Variants in RARB observed in about 807,000 individuals in gnomAD.
The protein encoded by RARB is retinoic acid receptor beta, also known as HBV-activated protein.
A neutral mutation model predicts 51.9 loss-of-function variants in RARB; 17 were observed. The observed-to-expected ratio is 0.33, with a 90% CI of 0.22 to 0.49. RARB has a LOEUF of 0.49. Ranked by LOEUF, RARB falls within the 20% of genes least tolerant of loss-of-function variation. RARB has a pLI of 0.99. For missense variants in RARB, 369 were observed against 550.8 expected, an observed-to-expected ratio of 0.67 and a Z score of 3.30; for synonymous variants, 215 against 195.4, an observed-to-expected ratio of 1.10 and a Z score of -0.84.
intron 2 of RARB, among the ~76,000 whole-genome samples, chr3:24,950,351 A>C (rs1695863464): frequency 6.6e-6 from 1 of 152,166 alleles, no homozygotes; most frequent in South Asian, 2.1e-4. Context: ...ATTATGTAAA[A>C]ATGGGTTTGC....
chr3:25,507,353 T>C (rs1233024795), intron 3 of RARB, among the ~76,000 whole-genome samples: 1 of 152,258 alleles, frequency 6.6e-6, no homozygotes, highest in East Asian at 1.9e-4. Flanking sequence ...TCTAGGTGTG[T>C]ATTCAAATCG....
At chr3:25,252,212 CTA>C (rs1297318693) in intron 5 of RARB, among the ~76,000 whole-genome samples, 1 of 152,082 alleles carries the variant, frequency 6.6e-6, no homozygotes, top group Non-Finnish European at 1.5e-5. Context: ...TTTCTTTGAT[CTA>C]TATGTCTATT....
intron 5 of RARB, among the ~76,000 whole-genome samples, chr3:25,376,373 C>A (rs1706459330): frequency 1.3e-5 from 2 of 152,178 alleles, no homozygotes; most frequent in South Asian, 4.1e-4. Flanking sequence ...AAAATACTAT[C>A]TTTTGTTAAC....
At chr3:24,873,728 C>T (rs1702990302) in intron 2 of RARB, among the ~76,000 whole-genome samples, 1 of 151,476 alleles carries the variant, frequency 6.6e-6, no homozygotes, top group Admixed American at 6.6e-5. Context: ...AGTGACTTTA[C>T]TTCATCCCAC....
intron 5 of RARB, among the ~76,000 whole-genome samples, chr3:25,216,060 CAG>C (rs1701826013): frequency 6.6e-6 from 1 of 152,120 alleles, no homozygotes; most frequent in Admixed American, 6.5e-5. Flanking sequence ...TTGAAGCAGT[CAG>C]AGAGGTGCAG....
At chr3:24,851,092 G>T (rs1450490137) in intron 1 of RARB, among the ~76,000 whole-genome samples, 1 of 152,194 alleles carries the variant, frequency 6.6e-6, no homozygotes, top group Non-Finnish European at 1.5e-5. Context: ...ACAAAGGGTA[G>T]ATCAGATGAA....
chr3:25,383,963 T>C (rs1706711951), intron 5 of RARB, among the ~76,000 whole-genome samples: 1 of 152,130 alleles, frequency 6.6e-6, no homozygotes, highest in Non-Finnish European at 1.5e-5. Context: ...ATTTTAAATT[T>C]GAATAGCAAC....
intron 2 of RARB, among the ~76,000 whole-genome samples, chr3:24,926,988 T>G (rs1402071019): frequency 6.6e-6 from 1 of 152,084 alleles, no homozygotes; most frequent in African/African-American, 2.4e-5. Context: ...TTTCACTAGT[T>G]TAGAGTACAC....
intron 2 of RARB, among the ~76,000 whole-genome samples, chr3:25,022,773 T>G (rs1697665636): frequency 6.6e-6 from 1 of 152,100 alleles, no homozygotes; most frequent in Admixed American, 6.6e-5. Flanking sequence ...GAAGAGGGAA[T>G]GGCATTGTGT....
chr3:25,345,801 A>T (rs1705375280), intron 5 of RARB: 3 of 464,704 alleles, frequency 6.5e-6, no homozygotes, highest in African/African-American at 6.3e-5. Flanking sequence ...GTGATTGTGC[A>T]TGAAATGAAC....
exon 5 of RARB, chr3:25,174,281 C>T: frequency 1.1e-6 from 1 of 879,122 alleles, no homozygotes; most frequent in Non-Finnish European, 1.6e-6. Context: ...TTGACTTTGG[C>T]CCAGAACACA....
In RARB at chr3:25,541,463, A is replaced by C. The variant is rs534391698; in HGVS notation, c.449-28295A>C. Among the ~76,000 whole-genome samples the C allele has an allele frequency of 1.4e-4, 22 of 152,320 alleles. No homozygotes were observed. The South Asian group carries it at 3.9e-3, about 27-fold the overall frequency. On this transcript the variant is annotated intron_variant, in intron 3 of 7. Transcript: ENST00000330688. ...TATCTACCTCTCCAGTGCTTGCAAC[A>C]GTCCCTGGCATGTACGTTTGTTGAA...
intron 2 of RARB, among the ~76,000 whole-genome samples, chr3:24,920,041 T>C (rs1260991925): frequency 6.6e-6 from 1 of 152,216 alleles, no homozygotes; most frequent in Non-Finnish European, 1.5e-5. Context: ...ATGCTAGTCA[T>C]ACAAACCAAA....
chr3:25,189,722 A>G (rs1701052713), intron 5 of RARB, among the ~76,000 whole-genome samples: 1 of 152,070 alleles, frequency 6.6e-6, no homozygotes, highest in Admixed American at 6.6e-5. Context: ...CCCTGTCTCT[A>G]TAAAAACACA....
chr3:25,344,478 T>C (rs976733414), intron 5 of RARB, among the ~76,000 whole-genome samples: 1 of 152,210 alleles, frequency 6.6e-6, no homozygotes, highest in Non-Finnish European at 1.5e-5. Context: ...CTAATGATCA[T>C]TGTGTCAGTG....
Position 25,514,525 on chromosome 3 carries a change from C to T in RARB, c.448+13202C>T, listed in dbSNP as rs542710651. Among the ~76,000 whole-genome samples, 216 of 152,126 alleles carry T rather than the reference C, an allele frequency of 1.4e-3. 1 individual carries two copies. The highest frequency in any genetic ancestry group is 5.1e-3 in the African/African-American group (210 of 41,486). Reference sequence around the variant, plus strand: ...TCCATGATTAAAAAAAAAAAATCTGCTCCTTTCATTTTCAAAATGATTTTA... The same window carrying T: ...TCCATGATTAAAAAAAAAAAATCTGTTCCTTTCATTTTCAAAATGATTTTA... On this transcript the variant is annotated intron_variant, in intron 3 of 7. Transcript: ENST00000330688.
chr3:25,295,392 A>C (rs1246182488), intron 5 of RARB, among the ~76,000 whole-genome samples: 1 of 152,198 alleles, frequency 6.6e-6, no homozygotes, highest in Non-Finnish European at 1.5e-5. Flanking sequence ...TGCAGTGAGA[A>C]GATACCATCT....
At chr3:25,232,660 G>A (rs74684476) in intron 5 of RARB, among the ~76,000 whole-genome samples, 1 of 152,026 alleles carries the variant, frequency 6.6e-6, no homozygotes, top group Non-Finnish European at 1.5e-5. Context: ...TTCCAAGTGT[G>A]CATTGCTGAT....
intron 2 of RARB, among the ~76,000 whole-genome samples, chr3:25,032,511 C>A (rs1197634013): frequency 1.3e-5 from 2 of 152,148 alleles, no homozygotes; most frequent in Non-Finnish European, 2.9e-5. Flanking sequence ...TGAAGTGAAG[C>A]AGAGATGAGA....
Sources: gnomAD v4.1 joint callset for allele counts (sites outside exome capture counted in the v4.1 genomes callset) on GRCh38, gnomAD v4.1.1 for gene constraint, MANE v1.5 for transcripts, NCBI Gene and HGNC (gene_info 2026-07-23, HGNC 2026-07-21) for gene names.